The following RYR3 variants were observed in gnomAD, a reference collection of about 807,000 sequenced individuals.
RYR3 encodes the protein ryanodine receptor 3.
RYR3 carries 207 observed loss-of-function variants against 584.3 expected under a neutral mutation model. The observed-to-expected ratio is 0.35, with a 90% CI of 0.32 to 0.40. The LOEUF (loss-of-function observed/expected upper bound fraction) is 0.40, where lower values mean the gene tolerates loss of function less well. RYR3 is among the 10% of genes least tolerant of loss of function. The pLI is 1.00. For synonymous variants in RYR3, 2,416 were observed against 2,248.5 expected, an observed-to-expected ratio of 1.07 and a Z score of -2.11; for missense variants, 5,616 against 6,089.2, an observed-to-expected ratio of 0.92 and a Z score of 2.59.
At chr15:33,679,142 C>T (rs1292754591) in intron 38 of RYR3, among the ~76,000 whole-genome samples, 1 of 151,908 alleles carries the variant, frequency 6.6e-6, no homozygotes, top group Non-Finnish European at 1.5e-5. Context: ...CCACAGAGGG[C>T]ATGAGTTCCC....
chr15:33,343,630 T>C (rs1295057436), intron 1 of RYR3, among the ~76,000 whole-genome samples: 1 of 152,218 alleles, frequency 6.6e-6, no homozygotes, highest in Non-Finnish European at 1.5e-5. Flanking sequence ...TTGTTATCAG[T>C]GGAAAAACAC....
At chr15:33,864,052 C>A in intron 102 of RYR3, 86 bp from the exon 103 acceptor site, 2 of 1,001,288 alleles carry the variant, frequency 2.0e-6, no homozygotes, top group Non-Finnish European at 3.1e-6. Context: ...ACCAACTAGC[C>A]TTTCTGAGCC....
chr15:33,744,739 T>G (rs950062873), intron 52 of RYR3, among the ~76,000 whole-genome samples: 3 of 152,050 alleles, frequency 2.0e-5, no homozygotes, highest in Non-Finnish European at 4.4e-5. Context: ...CAGTTTGGCT[T>G]TAGGGAACCA....
At chr15:33,581,771 T>C (rs2058606208) in intron 14 of RYR3, 128 bp downstream of exon 14, 1 of 781,606 alleles carries the variant, frequency 1.3e-6, no homozygotes, top group Non-Finnish European at 2.1e-6. Flanking sequence ...TAGAAGTCTT[T>C]TGTTAACCAT....
Position 33,811,023 on chromosome 15 carries a change from C to A in RYR3, c.10243C>A (p.His3415Asn), listed in dbSNP as rs535286958. ...CAGAGAACATCTGCGGAACAACTTGCACTTGCAGGAAAAGGTGATGACTCA... is the reference window on the plus strand; with the variant it reads ...CAGAGAACATCTGCGGAACAACTTGAACTTGCAGGAAAAGGTGATGACTCA... Reference protein sequence around the residue: ...EVREHLRNNLHLQEKSDDPAV... With the variant: ...EVREHLRNNLNLQEKSDDPAV... The change falls in exon 72 of 104, where the codon CAC (histidine) becomes AAC (asparagine). Residue 3415 changes from histidine (H) to asparagine (N), a missense_variant. By Grantham distance (68) the His-to-Asn change is moderately conservative. Around this residue, in one of 9 missense-constraint regions of RYR3, gnomAD observed 954 missense variants for 1,132.2 expected, o/e 0.84. Transcript: ENST00000634891. 8.7e-6 allele frequency: 14 copies of A among 1,608,692 alleles called. 1 individual carries two copies. In the South Asian group the frequency reaches 1.6e-4, roughly 18 times the overall value.
In RYR3 at chr15:33,398,646, C is replaced by T. The variant is rs193127276; in HGVS notation, c.52-74773C>T. On this transcript the variant is annotated intron_variant, in intron 1 of 103. Transcript: ENST00000634891. ...AGGAATTTTTCCCACTCTCTTCTCT[C>T]CCAGGTGGGTGGAGGGTGGAGCTTT... Among the ~76,000 whole-genome samples, 172 of 152,266 alleles carry T rather than the reference C, an allele frequency of 1.1e-3. 1 individual carries two copies. Among genetic ancestry groups the T allele is most frequent in the Non-Finnish European group, 1.7e-3 (114 of 68,014 alleles).
At chr15:33,425,843 C>A (rs550626540) in intron 1 of RYR3, among the ~76,000 whole-genome samples, 28 of 151,938 alleles carry the variant, frequency 1.8e-4, no homozygotes, top group African/African-American at 6.5e-4. Flanking sequence ...GGGGTTTCAC[C>A]GTGTTAGCCA....
intron 3 of RYR3, among the ~76,000 whole-genome samples, chr15:33,506,514 A>T (rs1431175558): frequency 6.6e-6 from 1 of 152,196 alleles, no homozygotes; most frequent in African/African-American, 2.4e-5. Flanking sequence ...GAGACCTAAT[A>T]GTTATTTCCC....
chr15:33,752,448 C>T (rs1346137918), intron 57 of RYR3, among the ~76,000 whole-genome samples: 1 of 152,190 alleles, frequency 6.6e-6, no homozygotes, highest in Admixed American at 6.5e-5. Flanking sequence ...TCCTTCACAT[C>T]CCTTGTAAGT....
At chr15:33,568,052 C>T (rs1229951694) in intron 12 of RYR3, among the ~76,000 whole-genome samples, 1 of 152,086 alleles carries the variant, frequency 6.6e-6, no homozygotes, top group East Asian at 1.9e-4. Flanking sequence ...GAACTGCTAT[C>T]CTGGGATGTT....
At position 33,637,148 on chromosome 15, in the gene RYR3, A is replaced by G. The variant is rs556726290; in HGVS notation, c.3556+598A>G. Among the ~76,000 whole-genome samples, 167 of 152,282 alleles carry G rather than the reference A, an allele frequency of 1.1e-3. 1 individual carries two copies. The highest frequency in any genetic ancestry group is 3.9e-3 in the African/African-American group (164 of 41,556). On this transcript the variant is annotated intron_variant, in intron 27 of 103. Transcript: ENST00000634891. ...TCCAGCTACACAAAGGAGGAAGTGG[A>G]GCTTATTATTTCTTGTCTATATAAC...
chr15:33,628,578 A>T lies in RYR3; in HGVS notation c.2679+3A>T, dbSNP rs774928735. The T allele has an allele frequency of 2.6e-5, 41 of 1,598,138 alleles. No individual in the cohort carries two copies. Among genetic ancestry groups the T allele is most frequent in the Non-Finnish European group, 3.5e-5 (41 of 1,165,644 alleles). ...AACTTGGCTGGACTTTCGGCAAGGT[A>T]TGTGTCTCAGGGCCAGGTTAGGGTG... On this transcript the variant is annotated splice_donor_region_variant and intron_variant, in intron 21 of 103. Transcript: ENST00000634891.
chr15:33,778,637 A>G (rs970150743), intron 64 of RYR3, among the ~76,000 whole-genome samples: 2 of 152,238 alleles, frequency 1.3e-5, no homozygotes, highest in East Asian at 3.8e-4. Context: ...GTGAAGCTGC[A>G]TTGTGAAAGC....
intron 72 of RYR3, 140 bp from the exon 73 acceptor site, chr15:33,812,723 A>G (rs1390346577): frequency 5.5e-6 from 4 of 728,596 alleles, no homozygotes; most frequent in African/African-American, 3.6e-5. Context: ...AGTGTTCCAG[A>G]AGATAATTGA....
rs539506780 is a variant in RYR3, at chr15:33,448,875, C to T, written c.52-24544C>T. 2.7e-3 allele frequency among the ~76,000 whole-genome samples: 404 copies of T among 152,094 alleles called. 3 individuals are homozygous for T. Among genetic ancestry groups the T allele is most frequent in the Middle Eastern group, 0.01 (3 of 294 alleles). Reference sequence around the variant, plus strand: ...CCTTGCAGCTGATTGGAAGTGGCTGCGGCTGCCTGGAGTGTGGGGGAGAGA... The same window carrying T: ...CCTTGCAGCTGATTGGAAGTGGCTGTGGCTGCCTGGAGTGTGGGGGAGAGA... On this transcript the variant is annotated intron_variant, in intron 1 of 103. Transcript: ENST00000634891.
intron 31 of RYR3, among the ~76,000 whole-genome samples, 156 bp downstream of exon 31, chr15:33,649,391 T>C (rs1485125121): frequency 6.6e-6 from 1 of 152,140 alleles, no homozygotes; most frequent in Non-Finnish European, 1.5e-5. Flanking sequence ...ACCGGTACTA[T>C]GACAGTGAGA....
intron 1 of RYR3, among the ~76,000 whole-genome samples, chr15:33,464,763 C>T (rs1375228902): frequency 6.6e-6 from 1 of 151,828 alleles, no homozygotes; most frequent in Non-Finnish European, 1.5e-5. Flanking sequence ...AAGCTCCATC[C>T]TTTTAGCAAA....
chr15:33,330,178 A>C (rs918143394), intron 1 of RYR3, among the ~76,000 whole-genome samples: 23 of 152,230 alleles, frequency 1.5e-4, no homozygotes, highest in African/African-American at 5.3e-4. Context: ...TGTTGGCTTC[A>C]ATTTTAGGGT....
intron 14 of RYR3, among the ~76,000 whole-genome samples, 172 bp from the exon 15 acceptor site, chr15:33,584,222 CA>C (rs2058730552): frequency 6.6e-6 from 1 of 151,578 alleles, no homozygotes; most frequent in Non-Finnish European, 1.5e-5. Flanking sequence ...GTGAGACTGT[CA>C]CTTAAAAAAA....
Sources: gnomAD v4.1 joint callset for allele counts (sites outside exome capture counted in the v4.1 genomes callset) on GRCh38, gnomAD v4.1.1 for gene constraint, gnomAD v4.1.1 regional missense constraint, MANE v1.5 for transcripts, NCBI Gene and HGNC (gene_info 2026-07-23, HGNC 2026-07-21) for gene names.